SLC7A10: variants seen among roughly 807,000 people sequenced by gnomAD.
SLC7A10 encodes the protein asc-type amino acid transporter 1.
In SLC7A10, 30 loss-of-function variants were observed where a neutral mutation model predicts 52.7. That is an observed-to-expected ratio of 0.57 (90% confidence interval 0.43 to 0.77). SLC7A10 has a LOEUF of 0.77. SLC7A10 is among the 30% of genes least tolerant of loss of function. The pLI is 0.00. For synonymous variants in SLC7A10, 318 were observed against 314.9 expected (o/e 1.01, Z -0.10); for missense variants, 581 against 698.5 (o/e 0.83, Z 1.90).
At chr19:33,216,878 C>T (rs11878801) in intron 1 of SLC7A10, among the ~76,000 whole-genome samples, 2,630 of 152,150 alleles carry the variant, frequency 0.017, 73 homozygotes, top group African/African-American at 0.059. Flanking sequence ...CTGTGCCCAG[C>T]TTCTTTCTTT....
At chr19:33,211,945 G>A (rs1344372540) in intron 5 of SLC7A10, 8 of 482,776 alleles carry the variant, frequency 1.7e-5, no homozygotes, top group Admixed American at 3.3e-5. Flanking sequence ...ATCCCTGGCC[G>A]AGCATCAGAC....
At chr19:33,209,095 C>T in intron 10 of SLC7A10, 74 bp from the exon 11 acceptor site, 1 of 1,603,276 alleles carries the variant, frequency 6.2e-7, no homozygotes. Flanking sequence ...GACACCTCCC[C>T]TTGGGCAGGG....
At chr19:33,209,570 C>T (rs1351806572) in intron 9 of SLC7A10, 85 bp from the exon 10 acceptor site, 3 of 1,448,836 alleles carry the variant, frequency 2.1e-6, no homozygotes, top group East Asian at 4.6e-5. Context: ...GGGAATTTTC[C>T]TCCCTTCCCT....
chr19:33,220,204 A>G (rs1014066955), intron 1 of SLC7A10: 3 of 152,248 alleles, frequency 2.0e-5, no homozygotes, highest in Admixed American at 6.5e-5. Flanking sequence ...TGGAACTGCC[A>G]CTTGGCCGGC....
intron 6 of SLC7A10, 37 bp downstream of exon 6, chr19:33,211,371 GGGGCCT>G: frequency 6.2e-7 from 1 of 1,613,576 alleles, no homozygotes; most frequent in South Asian, 1.1e-5. Context: ...GGCCGGGGCA[GGGGCCT>G]GGGCAGGAGC....
At chr19:33,222,860 C>T (rs1185903524) in intron 1 of SLC7A10, among the ~76,000 whole-genome samples, 1 of 152,178 alleles carries the variant, frequency 6.6e-6, no homozygotes, top group Non-Finnish European at 1.5e-5. Flanking sequence ...CCCACCCTTC[C>T]AGGTCTTCCC....
At chr19:33,218,089 G>T (rs577029138) in intron 1 of SLC7A10, among the ~76,000 whole-genome samples, 1 of 152,298 alleles carries the variant, frequency 6.6e-6, no homozygotes, top group Non-Finnish European at 1.5e-5. Context: ...GAAGCCAGCG[G>T]GGGCTGGGTG....
rs2145467687 is a variant in SLC7A10, at chr19:33,210,285, A to G, written c.1263+182T>C. Among the ~76,000 whole-genome samples, 1 of 152,208 alleles carries G rather than the reference A, an allele frequency of 6.6e-6. No homozygotes were observed. Among genetic ancestry groups the G allele is most frequent in the East Asian group, 1.9e-4 (1 of 5,174 alleles). On this transcript the variant is annotated intron_variant, in intron 9 of 10. Coordinates refer to ENST00000253188, the MANE Select transcript of SLC7A10 (RefSeq NM_019849.3). This position sits in a 1 kb window ranked among gnomAD's most constrained non-coding sequence, Gnocchi z 5.6. ...GCCATCTGTACACTGGGAGCATTCA[A>G]AGCTCTGTCCTCATGGGGCTGCTAT...
rs746713052 is a variant in SLC7A10 at position 33,211,306 on chromosome 19, C to A, written c.935G>T (p.Gly312Val). Reference sequence around the variant, plus strand: ...GACAGGCATGACCCAAGAAAAGTAGCCCAGCAGCTTCTCCCCGAAGGTCTG... The same window carrying A: ...GACAGGCATGACCCAAGAAAAGTAGACCAGCAGCTTCTCCCCGAAGGTCTG... ...VAVTFGEKLL[G>V]YFSWVMPVSV... The change falls in exon 7 of 11, where the codon GGC (glycine) becomes GTC (valine). Residue 312 changes from glycine to valine, a missense_variant. Transcript: ENST00000253188. 1.2e-4 allele frequency: 197 copies of A among 1,613,952 alleles called. No individual in the cohort carries two copies. The highest frequency in any genetic ancestry group is 1.4e-4 in the Non-Finnish European group (170 of 1,180,038).
chr19:33,208,748 A>G lies in SLC7A10; in HGVS notation c.*143T>C. ...AGACAGGAAACCCAGTCCACATTTT[A>G]GGGCTTCCTTAAACAGGCTTCTGAG... On this transcript the variant is annotated 3_prime_UTR_variant, in exon 11 of 11. Coordinates refer to ENST00000253188, the MANE Select transcript of SLC7A10 (RefSeq NM_019849.3). The surrounding 1 kb of genome is among the most constrained non-coding windows in gnomAD (Gnocchi z 4.7). The G allele has an allele frequency of 1.0e-6, 1 of 1,004,768 alleles. No individual in the cohort carries two copies. Among genetic ancestry groups the G allele is most frequent in the Non-Finnish European group, 1.4e-6 (1 of 702,118 alleles). The allele number at this position is 1,004,768 out of a possible 1,614,324, so 62.2% of individuals were successfully genotyped here.
chr19:33,209,585 G>C (rs1974494872), intron 9 of SLC7A10, 100 bp from the exon 10 acceptor site: 6 of 1,315,300 alleles, frequency 4.6e-6, no homozygotes, highest in African/African-American at 1.5e-5. Flanking sequence ...TTCCCTGGGA[G>C]CTGAGGCCTG....
intron 1 of SLC7A10, among the ~76,000 whole-genome samples, chr19:33,221,591 C>T (rs1177675724): frequency 2.0e-5 from 3 of 152,212 alleles, no homozygotes; most frequent in Admixed American, 6.5e-5. Context: ...CTCAGGGCCC[C>T]GGTGAGGAGG....
intron 5 of SLC7A10, 58 bp downstream of exon 5, chr19:33,212,234 G>C (rs1307577828): frequency 1.3e-6 from 2 of 1,557,824 alleles, no homozygotes; most frequent in African/African-American, 1.4e-5. Flanking sequence ...CGGAGAGGCT[G>C]CCTGTCCCAC....
chr19:33,210,414 C>T lies in SLC7A10; in HGVS notation c.1263+53G>A. 6.5e-7 allele frequency: 1 copy of T among 1,539,538 alleles called. No homozygotes were observed. Among genetic ancestry groups the T allele is most frequent in the Non-Finnish European group, 8.7e-7 (1 of 1,148,294 alleles). On this transcript the variant is annotated intron_variant, in intron 9 of 10. Transcript: ENST00000253188. The surrounding 1 kb of genome is among the most constrained non-coding windows in gnomAD (Gnocchi z 5.6). The stretch of plus-strand genomic sequence containing the variant: ...CTGCCCCTGGTGCCCACTGTGGATG[C>T]AGGGGTGGCTCTGGCAGCACCCGGC...
At chr19:33,211,047 C>G (rs1467780622) in intron 7 of SLC7A10, 149 bp from the exon 8 acceptor site, 2 of 988,078 alleles carry the variant, frequency 2.0e-6, no homozygotes, top group Non-Finnish European at 3.2e-6. Flanking sequence ...CTGCCTGCCT[C>G]TTGCTTTCTT....
chr19:33,225,612 G>C lies in SLC7A10; in HGVS notation c.92C>G (p.Ser31Trp). Residue 31 changes from serine to tryptophan, a missense_variant, in exon 1 of 11, where the codon TCG becomes TGG. Ser to Trp is a radical substitution (Grantham distance 177). Transcript: ENST00000253188. ...SPVPGTVPGASERVALKKEIG... is the reference protein window; with the variant it reads ...SPVPGTVPGAWERVALKKEIG... The stretch of plus-strand genomic sequence containing the variant: ...CTCCTTCTTGAGCGCCACCCGCTCC[G>C]AGGCGCCGGGGACGGTCCCTGGGAC... The C allele has an allele frequency of 2.5e-6, 4 of 1,594,000 alleles. No individual in the cohort carries two copies. The highest frequency in any genetic ancestry group is 3.8e-4 in the Middle Eastern group (2 of 5,300).
At chr19:33,222,924 G>C (rs1339421592) in intron 1 of SLC7A10, among the ~76,000 whole-genome samples, 1 of 152,156 alleles carries the variant, frequency 6.6e-6, no homozygotes, top group Non-Finnish European at 1.5e-5. Context: ...TATACACGAG[G>C]GAGAGAGTGA....
At position 33,212,655 on chromosome 19, in the gene SLC7A10, G is replaced by A. The variant is rs770223330; in HGVS notation, c.509-16C>T. ...GTCAGGAGCACTGCGGAGGGAAGGC[G>A]GGGGTGGGCGCCGAGGCCGGGACCT... On this transcript the variant is annotated splice_polypyrimidine_tract_variant and intron_variant, in intron 3 of 10. Coordinates refer to ENST00000253188, the MANE Select transcript of SLC7A10 (RefSeq NM_019849.3). The A allele has an allele frequency of 3.8e-5, 61 of 1,613,284 alleles. No homozygotes were observed. Among genetic ancestry groups the A allele is most frequent in the Middle Eastern group, 1.6e-4 (1 of 6,072 alleles).
intron 3 of SLC7A10, 65 bp downstream of exon 3, chr19:33,212,786 T>C: frequency 6.2e-7 from 1 of 1,606,950 alleles, no homozygotes. Flanking sequence ...GTCCTCCTGC[T>C]CAGGGCAGGA....
Sources: allele counts gnomAD v4.1 joint callset (sites outside exome capture counted in the v4.1 genomes callset), GRCh38; gene constraint gnomAD v4.1.1; non-coding constraint Gnocchi (gnomAD v3.1); transcripts MANE v1.5; gene names NCBI Gene and HGNC (gene_info 2026-07-23, HGNC 2026-07-21).